LAMA4: variants seen among roughly 807,000 people sequenced by gnomAD.
The protein encoded by LAMA4 is laminin subunit alpha-4.
LAMA4 carries 127 observed loss-of-function variants against 207.1 expected under a neutral mutation model. The observed-to-expected ratio is 0.61, with a 90% CI of 0.53 to 0.71. The LOEUF is 0.71. Among genes scored for constraint, LAMA4 ranks in the 30% least tolerant of loss-of-function variants. The pLI is 0.00. For synonymous variants in LAMA4, 761 were observed against 816.0 expected (o/e 0.93, Z 1.15); for missense variants, 2,093 against 2,246.5 (o/e 0.93, Z 1.38).
At chr6:112,188,944 A>G in intron 7 of LAMA4, 166 bp downstream of exon 7, 1 of 628,658 alleles carries the variant, frequency 1.6e-6, no homozygotes, top group South Asian at 1.9e-5. Context: ...CAAGTGGACC[A>G]CCAAGTACTT....
intron 2 of LAMA4, among the ~76,000 whole-genome samples, chr6:112,251,959 A>G (rs1306549092): frequency 6.6e-6 from 1 of 152,216 alleles, no homozygotes; most frequent in Non-Finnish European, 1.5e-5. Flanking sequence ...AAGAATATAG[A>G]TAAACAGATA....
At position 112,209,929 on chromosome 6, in the gene LAMA4, C is replaced by G. The variant is rs117493491; in HGVS notation, c.298-2784G>C. Among the ~76,000 whole-genome samples, 1,382 of 152,174 alleles carry G rather than the reference C, an allele frequency of 9.1e-3. 47 individuals are homozygous for G. The highest frequency in any genetic ancestry group is 0.069 in the Admixed American group (1,051 of 15,288). On this transcript the variant is annotated intron_variant, in intron 3 of 38. Coordinates refer to ENST00000230538, the MANE Select transcript of LAMA4 (RefSeq NM_001105206.3). ...GGATCATGAGGGTTGTTTCTAATGG[C>G]TTAGCGTGATTCCCCTAGTGCTGTC... is the stretch of plus-strand genomic sequence containing the variant.
At chr6:112,116,837 C>T (rs913693186) in intron 35 of LAMA4, among the ~76,000 whole-genome samples, 1 of 152,252 alleles carries the variant, frequency 6.6e-6, no homozygotes, top group Admixed American at 6.5e-5. Flanking sequence ...GTTCTTATCA[C>T]TGAAATTCCA....
At chr6:112,187,835 C>G (rs1040060306) in intron 7 of LAMA4, among the ~76,000 whole-genome samples, 16 of 152,148 alleles carry the variant, frequency 1.1e-4, no homozygotes, top group African/African-American at 3.9e-4. Context: ...TATTCAGGGG[C>G]TAGCACCAGC....
At chr6:112,125,270 G>C (rs1227442088) in intron 31 of LAMA4, among the ~76,000 whole-genome samples, 1 of 152,106 alleles carries the variant, frequency 6.6e-6, no homozygotes, top group African/African-American at 2.4e-5. Flanking sequence ...AATGCCCTTA[G>C]GTTTACATGT....
chr6:112,113,836 G>A (rs1461036736), intron 38 of LAMA4, among the ~76,000 whole-genome samples: 20 of 152,154 alleles, frequency 1.3e-4, no homozygotes, highest in Admixed American at 1.3e-3. Context: ...GCACTTAAAA[G>A]GGAAAGGAAA....
intron 21 of LAMA4, 78 bp downstream of exon 21, chr6:112,141,280 G>C (rs1779676238): frequency 2.4e-6 from 3 of 1,225,164 alleles, no homozygotes; most frequent in Middle Eastern, 1.9e-4. Context: ...GTGTGTGTGT[G>C]TGTGCACGCA....
intron 9 of LAMA4, among the ~76,000 whole-genome samples, chr6:112,181,824 C>T (rs1015100339): frequency 6.6e-6 from 1 of 152,132 alleles, no homozygotes; most frequent in Non-Finnish European, 1.5e-5. Context: ...ACAGGCCGGG[C>T]GCGGTGGCTC....
chr6:112,189,280 T>C (rs1782878077), intron 6 of LAMA4, 75 bp from the exon 7 acceptor site: 15 of 932,364 alleles, frequency 1.6e-5, no homozygotes, highest in Non-Finnish European at 2.5e-5. Context: ...TCCTGGTTTC[T>C]AGAAACACTA....
chr6:112,124,650 C>G (rs1285307163), intron 31 of LAMA4, among the ~76,000 whole-genome samples: 1 of 151,912 alleles, frequency 6.6e-6, no homozygotes. Flanking sequence ...TGCAATCCTA[C>G]TGATAGTACT....
At chr6:112,130,191 AG>A in intron 29 of LAMA4, 151 bp from the exon 30 acceptor site, 2 of 665,970 alleles carry the variant, frequency 3.0e-6, no homozygotes, top group Admixed American at 5.2e-5. Flanking sequence ...CATGAGGCCC[AG>A]GATAAAATGG....
Position 112,122,202 on chromosome 6 carries a change from C to T in LAMA4, c.4288-1G>A. The T allele has an allele frequency of 6.2e-7, 1 of 1,612,724 alleles. No individual in the cohort carries two copies. The highest frequency in any genetic ancestry group is 8.5e-7 in the Non-Finnish European group (1 of 1,178,994). On this transcript the variant is annotated splice_acceptor_variant, in intron 31 of 38. Coordinates refer to ENST00000230538, the MANE Select transcript of LAMA4 (RefSeq NM_001105206.3). LOFTEE classifies it high-confidence loss of function. ...AAGGTGCATCTTTACTTTTCCCTCC[C>T]TATAAAAGTAAACCAAATTAAGGGA... is the stretch of plus-strand genomic sequence containing the variant.
chr6:112,177,085 T>C (rs998316737), intron 10 of LAMA4, among the ~76,000 whole-genome samples: 4 of 152,206 alleles, frequency 2.6e-5, no homozygotes, highest in African/African-American at 9.6e-5. Context: ...ATCTCACTTT[T>C]TGAACAAATC....
chr6:112,209,647 C>G (rs1554355712), intron 3 of LAMA4, among the ~76,000 whole-genome samples: 4 of 152,196 alleles, frequency 2.6e-5, no homozygotes. Flanking sequence ...TTTCTATTCC[C>G]TTATCTGCAA....
At chr6:112,201,777 C>T (rs1468493184) in intron 4 of LAMA4, 89 bp from the exon 5 acceptor site, 15 of 1,086,766 alleles carry the variant, frequency 1.4e-5, no homozygotes, top group African/African-American at 9.3e-5. Context: ...CTATGTTGGT[C>T]CCATTAAAGT....
At position 112,117,779 on chromosome 6, in the gene LAMA4, T is replaced by C; in HGVS notation, c.4941A>G (p.Thr1647=). 1 of 1,613,806 alleles carries C rather than the reference T, an allele frequency of 6.2e-7. No individual in the cohort carries two copies. The highest frequency in any genetic ancestry group is 1.1e-5 in the South Asian group (1 of 91,076). The change falls in exon 35 of 39, where the codon ACA becomes ACG. Residue 1647 remains threonine (T), a synonymous_variant. Transcript: ENST00000230538. This position sits in a 1 kb window ranked among gnomAD's most constrained non-coding sequence, Gnocchi z 4.5. ...VTPCFEGPME[T]GTYFSTEGGY... is the part of the protein sequence containing the mutation. ...CTCCTTCTGTTGAAAAGTAAGTTCC[T>C]GTTTCCATGGGGCCTTCAAAGCAAG...
Position 112,238,272 on chromosome 6 carries a change from G to A in LAMA4, c.195+15684C>T, listed in dbSNP as rs114770411. 2.3e-3 allele frequency among the ~76,000 whole-genome samples: 355 copies of A among 152,290 alleles called. 3 individuals are homozygous for A. The highest frequency in any genetic ancestry group is 8.3e-3 in the African/African-American group (344 of 41,546). Reference sequence around the variant, plus strand: ...TTTACTCATCTTTGTAGGATACTTGGCACTTGCTGAGGTAGTGTGCACCTT... The same window carrying A: ...TTTACTCATCTTTGTAGGATACTTGACACTTGCTGAGGTAGTGTGCACCTT... On this transcript the variant is annotated intron_variant, in intron 2 of 38. Transcript: ENST00000230538.
intron 12 of LAMA4, among the ~76,000 whole-genome samples, chr6:112,170,969 A>G (rs1471177557): frequency 2.6e-5 from 4 of 152,160 alleles, no homozygotes; most frequent in African/African-American, 9.7e-5. Context: ...CTAATGTGTG[A>G]GGCAGAGAAC....
rs553035767 is a variant in LAMA4, at chr6:112,148,825, A to G, written c.2174-489T>C. 1.5e-4 allele frequency among the ~76,000 whole-genome samples: 23 copies of G among 151,972 alleles called. No individual in the cohort carries two copies. In the South Asian group the frequency reaches 4.6e-3, roughly 30 times the overall value. ...AAATTTACAACAAAAAATTTTGTCTAGGGGATGGGATTATAGGTGATTTTC... is the reference window on the plus strand; with the variant it reads ...AAATTTACAACAAAAAATTTTGTCTGGGGGATGGGATTATAGGTGATTTTC... On this transcript the variant is annotated intron_variant, in intron 17 of 38. Transcript: ENST00000230538.
Sources: gnomAD v4.1 joint callset for allele counts (sites outside exome capture counted in the v4.1 genomes callset) on GRCh38, gnomAD v4.1.1 for gene constraint, Gnocchi (gnomAD v3.1) non-coding constraint, MANE v1.5 for transcripts, NCBI Gene and HGNC (gene_info 2026-07-23, HGNC 2026-07-21) for gene names.